OTUB2: variants seen among roughly 807,000 people sequenced by gnomAD.
The protein encoded by OTUB2 is ubiquitin thioesterase OTUB2.
A neutral mutation model predicts 25.1 loss-of-function variants in OTUB2; 21 were observed. That is an observed-to-expected ratio of 0.84 (90% CI 0.59 to 1.21). OTUB2 has a LOEUF of 1.21. OTUB2 is among the 50% of genes most tolerant of loss of function. OTUB2 has a pLI of 0.00. For synonymous variants in OTUB2, 122 were observed against 122.8 expected, an observed-to-expected ratio of 0.99 and a Z score of 0.04; for missense variants, 283 against 298.0, an observed-to-expected ratio of 0.95 and a Z score of 0.37.
At chr14:94,034,154 C>G (rs1283140444) in intron 1 of OTUB2, among the ~76,000 whole-genome samples, 1 of 152,326 alleles carries the variant, frequency 6.6e-6, no homozygotes, top group Admixed American at 6.5e-5. Flanking sequence ...GGAAGTGGAA[C>G]GGCAAATCAC....
chr14:94,044,711 C>A lies in OTUB2; in HGVS notation c.429C>A (p.Ile143=). The A allele has an allele frequency of 6.2e-7, 1 of 1,614,090 alleles. No individual in the cohort carries two copies. The highest frequency in any genetic ancestry group is 2.2e-5 in the East Asian group (1 of 44,886). The change falls in exon 5 of 6, where the codon ATC becomes ATA. Residue 143 remains isoleucine, a synonymous_variant. Coordinates refer to ENST00000203664, the MANE Select transcript of OTUB2 (RefSeq NM_023112.4). The stretch of plus-strand genomic sequence containing the variant: ...TGCGCCTGCTCACGTCGGCCTTCAT[C>A]AGGAACCGAGCAGACTTCTTCCGGC... ...QFLRLLTSAF[I]RNRADFFRHF...
intron 3 of OTUB2, among the ~76,000 whole-genome samples, chr14:94,043,192 T>C (rs1885196839): frequency 6.6e-6 from 1 of 152,228 alleles, no homozygotes; most frequent in African/African-American, 2.4e-5. Context: ...GGCCTCTGTA[T>C]TCCCTTGTGA....
chr14:94,026,818 G>T (rs1436889531), intron 1 of OTUB2, among the ~76,000 whole-genome samples: 3 of 152,210 alleles, frequency 2.0e-5, no homozygotes, highest in African/African-American at 7.2e-5. Context: ...CCGGGGCGCC[G>T]CCTCGACGGC....
chr14:94,046,194 G>C lies in OTUB2; in HGVS notation c.*272G>C, dbSNP rs1885272454. On this transcript the variant is annotated 3_prime_UTR_variant, in exon 6 of 6. Coordinates refer to ENST00000203664, the MANE Select transcript of OTUB2 (RefSeq NM_023112.4). ...CAGTGAGGCCCTGGGTGGGTCACCT[G>C]CCCTCTCTGGACTTGTTTCTTCAAC... 1.8e-6 allele frequency: 1 copy of C among 547,766 alleles called. No individual in the cohort carries two copies. The highest frequency in any genetic ancestry group is 3.1e-5 in the Admixed American group (1 of 32,232). The allele number at this position is 547,766 out of a possible 1,614,324, so 33.9% of individuals were successfully genotyped here. A position where few individuals can be genotyped will look rare whatever the true frequency, so the allele number is the denominator to read the frequency against.
At chr14:94,035,890 C>A (rs1219906610) in intron 1 of OTUB2, among the ~76,000 whole-genome samples, 1 of 152,130 alleles carries the variant, frequency 6.6e-6, no homozygotes, top group Non-Finnish European at 1.5e-5. Context: ...TCATTCCAGG[C>A]CCCCCAAAAA....
intron 5 of OTUB2, 37 bp from the exon 6 acceptor site, chr14:94,045,679 C>G (rs751259887): frequency 6.2e-7 from 1 of 1,603,292 alleles, no homozygotes; most frequent in South Asian, 1.1e-5. Context: ...CCAGGCCTCC[C>G]TCCTAAGCTG....
chr14:94,044,610 G>A lies in OTUB2; in HGVS notation c.328G>A (p.Glu110Lys). 3 of 1,613,984 alleles carry A rather than the reference G, an allele frequency of 1.9e-6. No homozygotes were observed. Among genetic ancestry groups the A allele is most frequent in the South Asian group, 1.1e-5 (1 of 91,070 alleles). ...GTTTTACAGTGTGGTGGAACTGGTAGAGAAGGATGGCTCAGTGTCCAGCCT... is the reference window on the plus strand; with the variant it reads ...GTTTTACAGTGTGGTGGAACTGGTAAAGAAGGATGGCTCAGTGTCCAGCCT... ...NAFYSVVELVEKDGSVSSLLK... is the reference protein window; with the variant it reads ...NAFYSVVELVKKDGSVSSLLK... Residue 110 changes from glutamate (E) to lysine (K), a missense_variant, in exon 5 of 6, where the codon GAG becomes AAG. Transcript: ENST00000203664.
intron 3 of OTUB2, 82 bp downstream of exon 3, chr14:94,039,163 C>A: frequency 1.8e-6 from 2 of 1,112,994 alleles, no homozygotes; most frequent in Non-Finnish European, 2.6e-6. Flanking sequence ...GTTTTCGTTA[C>A]ACTCAGGCTG....
intron 1 of OTUB2, among the ~76,000 whole-genome samples, chr14:94,033,295 G>A (rs1884994703): frequency 6.6e-6 from 1 of 152,196 alleles, no homozygotes; most frequent in African/African-American, 2.4e-5. Flanking sequence ...AATAGAGCAA[G>A]TGGAAACCTA....
intron 1 of OTUB2, among the ~76,000 whole-genome samples, chr14:94,028,644 C>A (rs1437189938): frequency 6.6e-6 from 1 of 152,232 alleles, no homozygotes; most frequent in East Asian, 1.9e-4. Context: ...CCAGTGGGCA[C>A]CTTTGTCAGG....
chr14:94,032,589 A>G (rs778712676), intron 1 of OTUB2, among the ~76,000 whole-genome samples: 1 of 152,110 alleles, frequency 6.6e-6, no homozygotes, highest in Non-Finnish European at 1.5e-5. Flanking sequence ...GGGATGATTA[A>G]AAGCTTTGGG....
chr14:94,045,361 T>A (rs911409823), intron 5 of OTUB2, among the ~76,000 whole-genome samples: 2 of 152,194 alleles, frequency 1.3e-5, no homozygotes, highest in Non-Finnish European at 2.9e-5. Context: ...CACCCCTGGA[T>A]GACAGGGTGC....
At chr14:94,039,362 G>A (rs1220701850) in intron 3 of OTUB2, 2 of 475,060 alleles carry the variant, frequency 4.2e-6, no homozygotes, top group Non-Finnish European at 7.5e-6. Flanking sequence ...GCAGGGAGCA[G>A]GTACTTCGTG....
At chr14:94,039,168 A>G (rs1885113651) in intron 3 of OTUB2, 87 bp downstream of exon 3, 2 of 1,060,986 alleles carry the variant, frequency 1.9e-6, no homozygotes, top group East Asian at 2.4e-5. Context: ...CGTTACACTC[A>G]GGCTGGTTAA....
Position 94,045,703 on chromosome 14 carries a change from T to G in OTUB2, c.499-13T>G. On this transcript the variant is annotated splice_polypyrimidine_tract_variant and intron_variant, in intron 5 of 5. Transcript: ENST00000203664. Reference sequence around the variant, plus strand: ...CCTCCTAAGCTGGCTTGTTTTCATTTTGGCCCCTGCAGGAAGTAGAGCCCA... The same window carrying G: ...CCTCCTAAGCTGGCTTGTTTTCATTGTGGCCCCTGCAGGAAGTAGAGCCCA... 2 of 1,613,270 alleles carry G rather than the reference T, an allele frequency of 1.2e-6. No individual in the cohort carries two copies. The highest frequency in any genetic ancestry group is 1.7e-6 in the Non-Finnish European group (2 of 1,179,464).
chr14:94,037,153 A>G (rs1885069948), intron 1 of OTUB2, among the ~76,000 whole-genome samples: 1 of 152,130 alleles, frequency 6.6e-6, no homozygotes, highest in Non-Finnish European at 1.5e-5. Context: ...TTTCCTTATA[A>G]CCAGGGCTAT....
chr14:94,047,657 C>G lies in OTUB2; in HGVS notation c.*1735C>G, dbSNP rs1454651722. ...CTGTTTCCCAACTGAAAGGTGTGAA[C>G]GGACACACACACAGCCTGGATGACG... is the stretch of plus-strand genomic sequence containing the variant. On this transcript the variant is annotated 3_prime_UTR_variant, in exon 6 of 6. Coordinates refer to ENST00000203664, the MANE Select transcript of OTUB2 (RefSeq NM_023112.4). 3 of 152,214 alleles carry G rather than the reference C, an allele frequency of 2.0e-5. No homozygotes were observed. The highest frequency in any genetic ancestry group is 7.2e-5 in the African/African-American group (3 of 41,436). The allele number at this position is 152,214 out of a possible 1,614,324, so 9.4% of individuals were successfully genotyped here. A position where few individuals can be genotyped will look rare whatever the true frequency, so the allele number is the denominator to read the frequency against.
chr14:94,045,054 G>C (rs1595369309), intron 5 of OTUB2, among the ~76,000 whole-genome samples: 1 of 152,220 alleles, frequency 6.6e-6, no homozygotes, highest in Non-Finnish European at 1.5e-5. Context: ...TAGTCCAAGA[G>C]TCACATTTGC....
At position 94,044,189 on chromosome 14, in the gene OTUB2, G is replaced by A. The variant is rs1395946091; in HGVS notation, c.303+134G>A. The A allele has an allele frequency of 8.8e-6, 8 of 910,664 alleles. No individual in the cohort carries two copies. The African/African-American group carries it at 9.8e-5, about 11-fold the overall frequency. The allele number at this position is 910,664 out of a possible 1,614,324, so 56.4% of individuals were successfully genotyped here. A position where few individuals can be genotyped will look rare whatever the true frequency, so the allele number is the denominator to read the frequency against. On this transcript the variant is annotated intron_variant, in intron 4 of 5. Coordinates refer to ENST00000203664, the MANE Select transcript of OTUB2 (RefSeq NM_023112.4). ...AGAGGGTTCCTTCCTGCTTGTGGGGGTGTGTGGGCACAGGGAGCCCTCACC... is the reference window on the plus strand; with the variant it reads ...AGAGGGTTCCTTCCTGCTTGTGGGGATGTGTGGGCACAGGGAGCCCTCACC...
Sources: gnomAD v4.1 joint callset for allele counts (sites outside exome capture counted in the v4.1 genomes callset) on GRCh38, gnomAD v4.1.1 for gene constraint, MANE v1.5 for transcripts, NCBI Gene and HGNC (gene_info 2026-07-23, HGNC 2026-07-21) for gene names.